The following TBC1D22A variants were observed in gnomAD, a reference collection of about 807,000 sequenced individuals.
The protein encoded by TBC1D22A is putative GTPase activator.
A neutral mutation model predicts 60.2 loss-of-function variants in TBC1D22A; 38 were observed. The ratio of observed to expected loss-of-function variants is 0.63; its 90% CI spans 0.49 to 0.83. The LOEUF (loss-of-function observed/expected upper bound fraction) is 0.83. Ranked by LOEUF, TBC1D22A falls within the 40% of genes least tolerant of loss-of-function variation. The pLI, the probability that TBC1D22A is intolerant of heterozygous loss-of-function variation, is 0.00. For synonymous variants in TBC1D22A, 302 were observed against 281.7 expected (o/e 1.07, Z -0.72); for missense variants, 628 against 701.0 (o/e 0.90, Z 1.18).
rs147364020 is a variant in TBC1D22A at position 46,801,559 on chromosome 22, C to A, written c.637+3939C>A. ...CACACAAAGACTGCCTGCTTTGAAG[C>A]CCCGGAAAATGACACTCAAGTTGGT... On this transcript the variant is annotated intron_variant, in intron 4 of 12. Transcript: ENST00000337137. Among the ~76,000 whole-genome samples, 3 of 152,338 alleles carry A rather than the reference C, an allele frequency of 2.0e-5. No individual in the cohort carries two copies. The East Asian group carries it at 5.8e-4, about 29-fold the overall frequency.
intron 9 of TBC1D22A, among the ~76,000 whole-genome samples, chr22:46,975,642 A>G (rs2074266873): frequency 6.6e-6 from 1 of 152,208 alleles, no homozygotes; most frequent in African/African-American, 2.4e-5. Flanking sequence ...TTCCTGAGCC[A>G]TTGCGGTAAA....
Position 46,971,139 on chromosome 22 carries a change from C to A in TBC1D22A, c.1016-3151C>A, listed in dbSNP as rs77754318. Among the ~76,000 whole-genome samples the A allele has an allele frequency of 5.0e-3, 766 of 152,328 alleles. 13 individuals carry two copies. The highest frequency in any genetic ancestry group is 0.037 in the East Asian group (193 of 5,188). On this transcript the variant is annotated intron_variant, in intron 8 of 12. Coordinates refer to ENST00000337137, the MANE Select transcript of TBC1D22A (RefSeq NM_014346.5). ...TGAGTTAAATGCCATTACTTCATTA[C>A]CTTGAAGAGTAACAAATGGCCCATT...
chr22:47,083,537 CTAAA>C (rs1473176377), intron 11 of TBC1D22A, among the ~76,000 whole-genome samples: 1 of 152,086 alleles, frequency 6.6e-6, no homozygotes, highest in African/African-American at 2.4e-5. Context: ...GGAGAACCCT[CTAAA>C]TAAAGCCGTC....
chr22:46,907,808 CTGCTTTGGGTAGGGAGGT>C (rs1291202206), intron 7 of TBC1D22A, among the ~76,000 whole-genome samples: 1 of 152,208 alleles, frequency 6.6e-6, no homozygotes, highest in Non-Finnish European at 1.5e-5. Flanking sequence ...GGAGGAGCTG[CTGCTTTGGGTAGGGAGGT>C]GGCAGAGGAG....
At chr22:46,800,213 C>T (rs140418690) in intron 4 of TBC1D22A, among the ~76,000 whole-genome samples, 527 of 152,178 alleles carry the variant, frequency 3.5e-3, no homozygotes, top group African/African-American at 0.012. Flanking sequence ...AACTTGAGAA[C>T]GTTTCTTCAG....
chr22:46,897,220 A>G (rs2068724297), intron 7 of TBC1D22A, among the ~76,000 whole-genome samples: 1 of 152,140 alleles, frequency 6.6e-6, no homozygotes, highest in Non-Finnish European at 1.5e-5. Context: ...ACAGGTCGGG[A>G]GTGGACCTGA....
At chr22:47,054,536 T>C (rs1175443186) in intron 11 of TBC1D22A, among the ~76,000 whole-genome samples, 1 of 152,234 alleles carries the variant, frequency 6.6e-6, no homozygotes, top group African/African-American at 2.4e-5. Context: ...GGCCTCGCCA[T>C]GTCCATCTGC....
Position 46,885,420 on chromosome 22 carries a change from T to C in TBC1D22A, c.709-5846T>C, listed in dbSNP as rs546983180. Among the ~76,000 whole-genome samples, 5 of 152,284 alleles carry C rather than the reference T, an allele frequency of 3.3e-5. No homozygotes were observed. In the South Asian group the frequency reaches 1.0e-3, roughly 32 times the overall value. ...TAGGGACAGTGACGGCCTTCTGTGA[T>C]TAGTGGGATTAAAGCAGCACTGTGT... On this transcript the variant is annotated intron_variant, in intron 5 of 12. Coordinates refer to ENST00000337137, the MANE Select transcript of TBC1D22A (RefSeq NM_014346.5).
intron 1 of TBC1D22A, among the ~76,000 whole-genome samples, chr22:46,792,118 C>T (rs1287659428): frequency 6.6e-6 from 1 of 152,236 alleles, no homozygotes; most frequent in Non-Finnish European, 1.5e-5. Flanking sequence ...CAATTTCAGA[C>T]AAAATGATGG....
intron 4 of TBC1D22A, among the ~76,000 whole-genome samples, chr22:46,856,096 C>T (rs145203729): frequency 1.5e-3 from 230 of 152,184 alleles, no homozygotes; most frequent in African/African-American, 5.4e-3. Context: ...AGGTTTGTTC[C>T]GGGGGCTTCT....
intron 4 of TBC1D22A, among the ~76,000 whole-genome samples, chr22:46,875,414 A>G (rs2067507950): frequency 6.6e-6 from 1 of 152,160 alleles, no homozygotes; most frequent in South Asian, 2.1e-4. Context: ...GAAAAGGGCA[A>G]TAGACATGTT....
intron 4 of TBC1D22A, among the ~76,000 whole-genome samples, chr22:46,860,969 CAG>C (rs1180578175): frequency 2.1e-5 from 3 of 142,386 alleles, no homozygotes; most frequent in African/African-American, 8.3e-5. Flanking sequence ...TATTTGAAAA[CAG>C]ATAATAAATT....
At chr22:46,918,840 T>C (rs2070553067) in intron 8 of TBC1D22A, among the ~76,000 whole-genome samples, 1 of 152,138 alleles carries the variant, frequency 6.6e-6, no homozygotes, top group Non-Finnish European at 1.5e-5. Flanking sequence ...TTTTTTATGA[T>C]GGAAAGTTTC....
intron 4 of TBC1D22A, among the ~76,000 whole-genome samples, chr22:46,847,922 T>C (rs74660276): frequency 1.4e-5 from 1 of 73,382 alleles, no homozygotes; most frequent in Admixed American, 1.4e-4. Flanking sequence ...CTAGTGGGTG[T>C]GTGTGTGTGT....
chr22:46,931,729 C>G (rs981759989), intron 8 of TBC1D22A, among the ~76,000 whole-genome samples: 4 of 152,236 alleles, frequency 2.6e-5, no homozygotes, highest in Non-Finnish European at 4.4e-5. Flanking sequence ...TTCATGGACT[C>G]TCTTTCCTGG....
At position 47,043,308 on chromosome 22, in the gene TBC1D22A, G is replaced by A. The variant is rs116246933; in HGVS notation, c.1329+6110G>A. Among the ~76,000 whole-genome samples, 264 of 152,316 alleles carry A rather than the reference G, an allele frequency of 1.7e-3. 1 individual carries two copies. Among genetic ancestry groups the A allele is most frequent in the African/African-American group, 6.0e-3 (249 of 41,566 alleles). The stretch of plus-strand genomic sequence containing the variant: ...CTTGGAGTGCCTGGGCCAGGACAGA[G>A]CAGGCGAAGGGTGTGGGGAGCAGCA... On this transcript the variant is annotated intron_variant, in intron 11 of 12. Transcript: ENST00000337137.
chr22:46,787,852 T>TCTGTGTG (rs904313090), intron 1 of TBC1D22A, among the ~76,000 whole-genome samples: 2 of 151,952 alleles, frequency 1.3e-5, no homozygotes, highest in Non-Finnish European at 2.9e-5. Flanking sequence ...CTGGGTGGTG[T>TCTGTGTG]CTGTGTGGTT....
rs138374971 is a variant in TBC1D22A, at chr22:47,160,325, C to G, written c.1426-13173C>G. Among the ~76,000 whole-genome samples the G allele has an allele frequency of 4.2e-3, 642 of 152,346 alleles. 3 individuals are homozygous for G. The highest frequency in any genetic ancestry group is 7.1e-3 in the Non-Finnish European group (480 of 68,026). On this transcript the variant is annotated intron_variant, in intron 12 of 12. Coordinates refer to ENST00000337137, the MANE Select transcript of TBC1D22A (RefSeq NM_014346.5). ...TCAGGTTCCGTGTGAGGGGCCCTCCCTTGCCGCTCACTGGGGATCCGGGGC... is the reference window on the plus strand; with the variant it reads ...TCAGGTTCCGTGTGAGGGGCCCTCCGTTGCCGCTCACTGGGGATCCGGGGC...
At position 47,059,176 on chromosome 22, in the gene TBC1D22A, C is replaced by T. The variant is rs1190109366; in HGVS notation, c.1329+21978C>T. On this transcript the variant is annotated intron_variant, in intron 11 of 12. Transcript: ENST00000337137. ...GCCATCCAGCTGGTAAGTAGCAAAG[C>T]GCTGGGGGACAGGCCATGCCGTGTG... Among the ~76,000 whole-genome samples the T allele has an allele frequency of 7.2e-5, 11 of 152,394 alleles. No homozygotes were observed. The South Asian group carries it at 8.3e-4, about 11-fold the overall frequency.
Sources: allele counts gnomAD v4.1 joint callset (sites outside exome capture counted in the v4.1 genomes callset), GRCh38; gene constraint gnomAD v4.1.1; transcripts MANE v1.5; gene names NCBI Gene and HGNC (gene_info 2026-07-23, HGNC 2026-07-21).